ENTPD4: variants seen among roughly 807,000 people sequenced by gnomAD.
ENTPD4 encodes ectonucleoside triphosphate diphosphohydrolase 4.
ENTPD4 carries 60 observed loss-of-function variants against 79.1 expected under a neutral mutation model. That is an observed-to-expected ratio of 0.76 (90% confidence interval 0.62 to 0.94). The LOEUF is 0.94. ENTPD4 is among the 40% of genes least tolerant of loss of function. The probability of loss-of-function intolerance (pLI) is 0.00; values close to 1 mark genes in which losing one functional copy is unlikely to be tolerated. For synonymous variants in ENTPD4, 276 were observed against 292.0 expected (o/e 0.95, Z 0.56); for missense variants, 772 against 775.1 (o/e 1.00, Z 0.05).
intron 4 of ENTPD4, among the ~76,000 whole-genome samples, chr8:23,445,849 T>G (rs1800755190): frequency 6.6e-6 from 1 of 152,214 alleles, no homozygotes; most frequent in Admixed American, 6.5e-5. Context: ...GCTGAATGAG[T>G]ACACAAATGA....
At chr8:23,435,605 T>G in intron 10 of ENTPD4, 128 bp from the exon 11 acceptor site, 1 of 677,106 alleles carries the variant, frequency 1.5e-6, no homozygotes. Context: ...CAAGCTTAAC[T>G]TATACAACAA....
Position 23,431,404 on chromosome 8 carries a change from A to G in ENTPD4, c.*1522T>C, listed in dbSNP as rs756164049. The G allele has an allele frequency of 1.6e-4, 153 of 985,306 alleles. No individual in the cohort carries two copies. The highest frequency in any genetic ancestry group is 1.7e-4 in the Non-Finnish European group (145 of 829,930). 61.0% of individuals were successfully genotyped at this position (985,306 alleles called of 1,614,324 possible). ...CTCGCACAAAACAAACTCCACCTAA[A>G]AAAACTGTACGAGAATTCCCCAAAC... is the stretch of plus-strand genomic sequence containing the variant. On this transcript the variant is annotated 3_prime_UTR_variant, in exon 13 of 13. Coordinates refer to ENST00000358689, the MANE Select transcript of ENTPD4 (RefSeq NM_004901.5).
intron 6 of ENTPD4, among the ~76,000 whole-genome samples, chr8:23,442,410 G>A (rs1409921607): frequency 6.6e-6 from 1 of 152,166 alleles, no homozygotes; most frequent in Non-Finnish European, 1.5e-5. Flanking sequence ...TATCAGCTGG[G>A]TGCAATGGCT....
rs1256575518 is a variant in ENTPD4 at position 23,432,171 on chromosome 8, A to T, written c.*755T>A. 37 of 984,636 alleles carry T rather than the reference A, an allele frequency of 3.8e-5. No individual in the cohort carries two copies. The highest frequency in any genetic ancestry group is 4.7e-5 in the South Asian group (1 of 21,276). The allele number at this position is 984,636 out of a possible 1,614,324, so 61.0% of individuals were successfully genotyped here. ...GTAACAGACCTGAACAATAAATAAA[A>T]AAAAAAATCACCCTCTTCAGGTTAG... On this transcript the variant is annotated 3_prime_UTR_variant, in exon 13 of 13. Transcript: ENST00000358689.
At chr8:23,455,534 T>C (rs746451881) in intron 1 of ENTPD4, among the ~76,000 whole-genome samples, 1 of 152,252 alleles carries the variant, frequency 6.6e-6, no homozygotes, top group Admixed American at 6.5e-5. Context: ...GATATGTATG[T>C]AGTTGCATTT....
rs1142283 is a variant in ENTPD4 at position 23,434,322 on chromosome 8, T to C, written c.1617A>G (p.Pro539=). Residue 539 remains proline, a synonymous_variant, in exon 12 of 13, where the codon CCA becomes CCG. Transcript: ENST00000358689. The part of the protein sequence containing the change: ...GAILYRTRFL[P]LRDIQQEAFR... ...TCCCAAATTCACAGCCCTACCTTAA[T>C]GGTAGAAAGCGGGTCCTGTAGAGGA... 0.16 allele frequency: 264,596 copies of C among 1,613,518 alleles called. 23,071 individuals are homozygous for C. The highest frequency in any genetic ancestry group is 0.19 in the Middle Eastern group (1,176 of 6,054).
intron 1 of ENTPD4, among the ~76,000 whole-genome samples, chr8:23,456,604 C>A (rs1006742171): frequency 2.0e-5 from 3 of 152,118 alleles, no homozygotes; most frequent in Non-Finnish European, 4.4e-5. Context: ...ACTACAAGAC[C>A]TCTGTTAAGG....
chr8:23,439,034 T>A (rs1276758981), intron 9 of ENTPD4, among the ~76,000 whole-genome samples: 3 of 152,226 alleles, frequency 2.0e-5, no homozygotes, highest in African/African-American at 7.2e-5. Context: ...ATAGCTTACA[T>A]AACCCCAGAT....
At chr8:23,456,226 C>G (rs1440599770) in intron 1 of ENTPD4, among the ~76,000 whole-genome samples, 1 of 152,340 alleles carries the variant, frequency 6.6e-6, no homozygotes, top group East Asian at 1.9e-4. Context: ...TCCAGTGCAG[C>G]AGGTCTCTCT....
intron 1 of ENTPD4, among the ~76,000 whole-genome samples, chr8:23,455,624 A>G (rs924088730): frequency 2.2e-4 from 33 of 152,164 alleles, no homozygotes; most frequent in African/African-American, 7.0e-4. Context: ...TCCTCCCTCT[A>G]TTAATTTGCA....
In ENTPD4 at chr8:23,455,130, T is replaced by C. The variant is rs534610730; in HGVS notation, c.-98+2427A>G. Among the ~76,000 whole-genome samples, 4 of 152,302 alleles carry C rather than the reference T, an allele frequency of 2.6e-5. No individual in the cohort carries two copies. In the South Asian group the frequency reaches 8.3e-4, roughly 32 times the overall value. Reference sequence around the variant, plus strand: ...GTCAATGTCTTTGTCAGTCTCTCACTGACAGTTCTACAGATAACGACGAAA... The same window carrying C: ...GTCAATGTCTTTGTCAGTCTCTCACCGACAGTTCTACAGATAACGACGAAA... On this transcript the variant is annotated intron_variant, in intron 1 of 12. Coordinates refer to ENST00000358689, the MANE Select transcript of ENTPD4 (RefSeq NM_004901.5).
At chr8:23,441,180 G>A (rs1800662045) in intron 8 of ENTPD4, among the ~76,000 whole-genome samples, 3 of 151,996 alleles carry the variant, frequency 2.0e-5, no homozygotes, top group Non-Finnish European at 4.4e-5. Context: ...TCTTCCCCAA[G>A]GAAGCTCAAA....
chr8:23,439,070 G>A (rs1201530506), intron 9 of ENTPD4, among the ~76,000 whole-genome samples: 1 of 151,978 alleles, frequency 6.6e-6, no homozygotes, highest in East Asian at 1.9e-4. Context: ...TATCCAAATA[G>A]CTTTTATGTT....
chr8:23,439,041 A>G (rs1800621811), intron 9 of ENTPD4, among the ~76,000 whole-genome samples: 1 of 152,216 alleles, frequency 6.6e-6, no homozygotes, highest in Non-Finnish European at 1.5e-5. Flanking sequence ...ACATAACCCC[A>G]GATTCAGATT....
In ENTPD4 at chr8:23,433,026, CGCA is replaced by C; in HGVS notation, c.1748_1750del (p.Leu583del). The C allele has an allele frequency of 6.2e-7, 1 of 1,614,036 alleles. No homozygotes were observed. The highest frequency in any genetic ancestry group is 8.5e-7 in the Non-Finnish European group (1 of 1,179,994). On this transcript the variant is annotated inframe_deletion, in exon 13 of 13. Coordinates refer to ENST00000358689, the MANE Select transcript of ENTPD4 (RefSeq NM_004901.5). ...AGTGCGCCTGTGGATGCGCCGCAGC[CGCA>C]GCAGGTACAGCAGGATGGCCAGCAG...
chr8:23,432,527 C>T lies in ENTPD4; in HGVS notation c.*399G>A. On this transcript the variant is annotated 3_prime_UTR_variant, in exon 13 of 13. Coordinates refer to ENST00000358689, the MANE Select transcript of ENTPD4 (RefSeq NM_004901.5). The stretch of plus-strand genomic sequence containing the variant: ...GCATTTTTTTTTTTTGAGACGGAGT[C>T]TCACTCTGTCGCCCAGGCTGGAGTG... 1 of 966,378 alleles carries T rather than the reference C, an allele frequency of 1.0e-6. No homozygotes were observed. Among genetic ancestry groups the T allele is most frequent in the Non-Finnish European group, 1.2e-6 (1 of 812,312 alleles). The allele number at this position is 966,378 out of a possible 1,614,324, so 59.9% of individuals were successfully genotyped here.
At chr8:23,447,593 T>G in intron 4 of ENTPD4, 87 bp downstream of exon 4, 1 of 1,040,742 alleles carries the variant, frequency 9.6e-7, no homozygotes, top group Non-Finnish European at 1.5e-6. Context: ...CTCAGGGCCA[T>G]GGTGTAGAAA....
Position 23,431,393 on chromosome 8 carries a change from A to C in ENTPD4, c.*1533T>G. On this transcript the variant is annotated 3_prime_UTR_variant, in exon 13 of 13. Transcript: ENST00000358689. ...ACACACAGACACTCGCACAAAACAA[A>C]CTCCACCTAAAAAAACTGTACGAGA... 1.0e-6 allele frequency: 1 copy of C among 985,194 alleles called. No individual in the cohort carries two copies. Among genetic ancestry groups the C allele is most frequent in the Non-Finnish European group, 1.2e-6 (1 of 829,876 alleles). 61.0% of individuals were successfully genotyped at this position (985,194 alleles called of 1,614,324 possible).
Position 23,431,909 on chromosome 8 carries a change from A to G in ENTPD4, c.*1017T>C. ...AATTACCTGCGGTCAGGAAAAGATA[A>G]CAGTAACGAGGATTTTTCTAAATAA... On this transcript the variant is annotated 3_prime_UTR_variant, in exon 13 of 13. Transcript: ENST00000358689. 1 of 985,470 alleles carries G rather than the reference A, an allele frequency of 1.0e-6. No individual in the cohort carries two copies. Among genetic ancestry groups the G allele is most frequent in the Non-Finnish European group, 1.2e-6 (1 of 829,934 alleles). The allele number at this position is 985,470 out of a possible 1,614,324, so 61.0% of individuals were successfully genotyped here. A position where few individuals can be genotyped will look rare whatever the true frequency, so the allele number is the denominator to read the frequency against.
Sources: gnomAD v4.1 joint callset for allele counts (sites outside exome capture counted in the v4.1 genomes callset) on GRCh38, gnomAD v4.1.1 for gene constraint, MANE v1.5 for transcripts, NCBI Gene and HGNC (gene_info 2026-07-23, HGNC 2026-07-21) for gene names.